Variants in CAMTA1 observed in about 807,000 individuals in gnomAD.
The protein encoded by CAMTA1 is calmodulin-binding transcription activator 1.
In CAMTA1, 27 loss-of-function variants were observed where a neutral mutation model predicts 170.9. The ratio of observed to expected loss-of-function variants is 0.16; its 90% CI spans 0.12 to 0.22. The LOEUF (loss-of-function observed/expected upper bound fraction) is 0.22, where lower values mean the gene tolerates loss of function less well. CAMTA1 is among the 10% of genes least tolerant of loss of function. The probability of loss-of-function intolerance (pLI) is 1.00; values close to 1 mark genes in which losing one functional copy is unlikely to be tolerated. For missense variants in CAMTA1, 1,619 were observed against 2,217.2 expected, an observed-to-expected ratio of 0.73 and a Z score of 5.42; for synonymous variants, 833 against 891.5, an observed-to-expected ratio of 0.93 and a Z score of 1.17.
At chr1:7,149,722 C>G (rs1479170126) in intron 4 of CAMTA1, among the ~76,000 whole-genome samples, 1 of 152,204 alleles carries the variant, frequency 6.6e-6, no homozygotes, top group Non-Finnish European at 1.5e-5. Context: ...GGGGGATGGG[C>G]AGGTCCAGCC....
intron 4 of CAMTA1, among the ~76,000 whole-genome samples, chr1:7,245,201 G>GTATA (rs1319233672): frequency 2.0e-4 from 30 of 147,126 alleles, no homozygotes; most frequent in African/African-American, 7.0e-4. Flanking sequence ...ATGTGTGTGT[G>GTATA]TATATATATA....
intron 1 of CAMTA1, among the ~76,000 whole-genome samples, chr1:6,789,744 C>G (rs887639517): frequency 6.7e-6 from 1 of 148,718 alleles, no homozygotes; most frequent in East Asian, 2.1e-4. Flanking sequence ...GGTGATGTGA[C>G]TTTGCTTGAG....
At chr1:6,868,367 G>A (rs1667370595) in intron 3 of CAMTA1, among the ~76,000 whole-genome samples, 2 of 150,420 alleles carry the variant, frequency 1.3e-5, no homozygotes, top group Admixed American at 1.3e-4. Flanking sequence ...GACTGTATAG[G>A]GTTAAAAAAC....
rs2096738806 is a variant in CAMTA1, at chr1:7,732,179, C to T, written c.2915-269C>T. On this transcript the variant is annotated intron_variant, in intron 11 of 22. Transcript: ENST00000303635. This position sits in a 1 kb window ranked among gnomAD's most constrained non-coding sequence, Gnocchi z 4.1. ...GGAATTTGACAAAGAAACTAGGGGG[C>T]AGGAACCTGAACCTCTTTTTGATCT... 6.6e-6 allele frequency among the ~76,000 whole-genome samples: 1 copy of T among 152,058 alleles called. No homozygotes were observed. The highest frequency in any genetic ancestry group is 6.6e-5 in the Admixed American group (1 of 15,260).
intron 3 of CAMTA1, among the ~76,000 whole-genome samples, chr1:6,969,926 C>T (rs1490572863): frequency 6.6e-6 from 1 of 152,108 alleles, no homozygotes; most frequent in African/African-American, 2.4e-5. Context: ...ACCCAGATGT[C>T]GATACAGTGC....
intron 4 of CAMTA1, among the ~76,000 whole-genome samples, chr1:7,229,703 G>A (rs1662368890): frequency 6.6e-6 from 1 of 151,966 alleles, no homozygotes; most frequent in African/African-American, 2.4e-5. Context: ...CTGTGAGCCA[G>A]GAGCACAGAG....
At chr1:7,103,909 C>T (rs913954468) in intron 4 of CAMTA1, among the ~76,000 whole-genome samples, 13 of 147,290 alleles carry the variant, frequency 8.8e-5, no homozygotes, top group South Asian at 2.2e-4. Flanking sequence ...CAACTACACG[C>T]GCACTCACAC....
chr1:7,756,716 G>A (rs1358371340), intron 22 of CAMTA1, among the ~76,000 whole-genome samples: 1 of 151,780 alleles, frequency 6.6e-6, no homozygotes, highest in African/African-American at 2.4e-5. Context: ...GGCGTGGTAG[G>A]GCATGCCTGT....
chr1:7,268,179 G>A (rs933660849), intron 5 of CAMTA1, among the ~76,000 whole-genome samples: 2 of 152,186 alleles, frequency 1.3e-5, no homozygotes, highest in Non-Finnish European at 2.9e-5. Context: ...CAGCAGTGTA[G>A]CAAAGTTGAG....
In CAMTA1 at chr1:7,249,156, C is replaced by T. The variant is rs1467582046; in HGVS notation, c.303-335C>T. Among the ~76,000 whole-genome samples, 1 of 152,140 alleles carries T rather than the reference C, an allele frequency of 6.6e-6. No individual in the cohort carries two copies. The highest frequency in any genetic ancestry group is 1.5e-5 in the Non-Finnish European group (1 of 68,024). On this transcript the variant is annotated intron_variant, in intron 4 of 22. Coordinates refer to ENST00000303635, the MANE Select transcript of CAMTA1 (RefSeq NM_015215.4). The surrounding 1 kb of genome is among the most constrained non-coding windows in gnomAD (Gnocchi z 4.4). Reference sequence around the variant, plus strand: ...GCAGGCTGCCACGACACCCCTGGCTCTTTTTGCTTTCTGTCTCTGTTTTGC... The same window carrying T: ...GCAGGCTGCCACGACACCCCTGGCTTTTTTTGCTTTCTGTCTCTGTTTTGC...
At position 7,663,464 on chromosome 1, in the gene CAMTA1, A is replaced by G. The variant is rs1180592570; in HGVS notation, c.917A>G (p.Asn306Ser). ...GYGSHSEVQH[N>S]DVSEGKHEHS... Reference sequence around the variant, plus strand: ...GGGAGCCACTCGGAGGTGCAGCACAATGACGTGTCGGAGGGCAAGCACGAG... The same window carrying G: ...GGGAGCCACTCGGAGGTGCAGCACAGTGACGTGTCGGAGGGCAAGCACGAG... The change falls in exon 9 of 23, where the codon AAT becomes AGT. Residue 306 changes from asparagine (N) to serine (S), a missense_variant. Asn to Ser is a conservative substitution (Grantham distance 46, BLOSUM62 1). Coordinates refer to ENST00000303635, the MANE Select transcript of CAMTA1 (RefSeq NM_015215.4). The G allele has an allele frequency of 1.0e-5, 16 of 1,594,206 alleles. No homozygotes were observed. The highest frequency in any genetic ancestry group is 1.4e-5 in the Non-Finnish European group (16 of 1,166,280).
chr1:7,660,215 T>C (rs1020225904), intron 7 of CAMTA1, among the ~76,000 whole-genome samples: 3 of 152,220 alleles, frequency 2.0e-5, no homozygotes, highest in Non-Finnish European at 2.9e-5. Context: ...ATTACAGGCA[T>C]GTGCCACCAC....
chr1:6,789,503 C>A (rs1171074544), intron 1 of CAMTA1, among the ~76,000 whole-genome samples: 1 of 152,082 alleles, frequency 6.6e-6, no homozygotes, highest in African/African-American at 2.4e-5. Context: ...GGGGAAATAC[C>A]CCTTTGTGTG....
At chr1:7,361,436 G>A (rs1405756175) in intron 5 of CAMTA1, among the ~76,000 whole-genome samples, 4 of 152,156 alleles carry the variant, frequency 2.6e-5, no homozygotes, top group Non-Finnish European at 2.9e-5. Flanking sequence ...GACATTTGTT[G>A]GGCGAGTCAA....
intron 3 of CAMTA1, among the ~76,000 whole-genome samples, chr1:7,039,950 A>AT (rs558348373): frequency 0.031 from 4,503 of 143,272 alleles, 137 homozygotes; most frequent in African/African-American, 0.086. Context: ...GTGGCAAAAC[A>AT]TTTTTTTTTT....
intron 4 of CAMTA1, among the ~76,000 whole-genome samples, chr1:7,160,257 A>G (rs2148753006): frequency 6.6e-6 from 1 of 152,200 alleles, no homozygotes; most frequent in Admixed American, 6.5e-5. Context: ...AAAAGCTGTT[A>G]TTATTAATGA....
chr1:7,746,487 A>G (rs919861663), intron 18 of CAMTA1, among the ~76,000 whole-genome samples: 3 of 152,222 alleles, frequency 2.0e-5, no homozygotes, highest in Non-Finnish European at 2.9e-5. Context: ...AATGTTTACA[A>G]AGTTCCTAAA....
chr1:7,553,485 C>G (rs2150199467), intron 6 of CAMTA1, among the ~76,000 whole-genome samples: 1 of 152,310 alleles, frequency 6.6e-6, no homozygotes, highest in South Asian at 2.1e-4. Flanking sequence ...CTGGAGGGAG[C>G]TCACAGCCTA....
At chr1:7,428,926 G>A (rs769585807) in intron 5 of CAMTA1, among the ~76,000 whole-genome samples, 2 of 152,174 alleles carry the variant, frequency 1.3e-5, no homozygotes, top group Non-Finnish European at 2.9e-5. Context: ...TGGTCTGCTG[G>A]CAGCGATGGC....
Sources: gnomAD v4.1 joint callset for allele counts (sites outside exome capture counted in the v4.1 genomes callset) on GRCh38, gnomAD v4.1.1 for gene constraint, Gnocchi (gnomAD v3.1) non-coding constraint, MANE v1.5 for transcripts, NCBI Gene and HGNC (gene_info 2026-07-23, HGNC 2026-07-21) for gene names.